PRKDC: variants seen among roughly 807,000 people sequenced by gnomAD.
PRKDC encodes the protein DNA-dependent protein kinase catalytic subunit.
Under a neutral mutation model 486.9 loss-of-function variants are expected in PRKDC, and 82 were observed. That is an observed-to-expected ratio of 0.17 (90% CI 0.14 to 0.20). PRKDC has a LOEUF of 0.20. Among genes scored for constraint, PRKDC ranks in the 10% least tolerant of loss-of-function variants. The pLI, the probability that PRKDC is intolerant of heterozygous loss-of-function variation, is 1.00. For missense variants in PRKDC, 4,504 were observed against 5,038.2 expected, an observed-to-expected ratio of 0.89 and a Z score of 3.21; for synonymous variants, 1,895 against 1,837.0, an observed-to-expected ratio of 1.03 and a Z score of -0.81.
At chr8:47,837,820 C>T (rs191387940) in intron 56 of PRKDC, among the ~76,000 whole-genome samples, 1 of 152,106 alleles carries the variant, frequency 6.6e-6, no homozygotes, top group East Asian at 1.9e-4. Context: ...CCATAAAATA[C>T]TCAAAACATA....
At chr8:47,942,499 G>A (rs1208620481) in intron 10 of PRKDC, among the ~76,000 whole-genome samples, 1 of 152,198 alleles carries the variant, frequency 6.6e-6, no homozygotes, top group East Asian at 1.9e-4. Context: ...GTGACTCTCA[G>A]GCTAACACAA....
chr8:47,949,447 A>G (rs1051335762), intron 7 of PRKDC, among the ~76,000 whole-genome samples: 1 of 152,210 alleles, frequency 6.6e-6, no homozygotes, highest in Non-Finnish European at 1.5e-5. Flanking sequence ...GCCTTGCAAC[A>G]CGTCTAGAAT....
intron 23 of PRKDC, among the ~76,000 whole-genome samples, chr8:47,914,558 G>T (rs915403221): frequency 2.6e-5 from 4 of 152,162 alleles, no homozygotes; most frequent in African/African-American, 4.8e-5. Context: ...CCAGCACTTT[G>T]GGAGGCCGAG....
intron 50 of PRKDC, among the ~76,000 whole-genome samples, chr8:47,854,786 T>C (rs1464046046): frequency 4.6e-5 from 7 of 152,252 alleles, no homozygotes; most frequent in Non-Finnish European, 2.9e-5. Context: ...ATACCTCCTG[T>C]TCACATCCAG....
chr8:47,941,065 G>A (rs1402730518), intron 10 of PRKDC, among the ~76,000 whole-genome samples: 2 of 151,722 alleles, frequency 1.3e-5, no homozygotes. Flanking sequence ...AGGAGGCAGA[G>A]GTTGCAGTAA....
intron 40 of PRKDC, among the ~76,000 whole-genome samples, chr8:47,871,350 A>T (rs753372187): frequency 7.9e-5 from 12 of 152,208 alleles, no homozygotes; most frequent in Non-Finnish European, 1.5e-4. Context: ...GGGGAAAGAA[A>T]CAAGTAACAT....
rs959711715 is a variant in PRKDC, at chr8:47,783,758, G to A, written c.11159C>T (p.Ala3720Val). ...KPLPEYHVRIAGFDERVTVMA... is the reference protein window; with the variant it reads ...KPLPEYHVRIVGFDERVTVMA... ...CACACCTACCCGCTCATCAAACCCG[G>A]CGATTCGCACGTGGTACTCTGGCAA... Residue 3720 changes from alanine to valine, a missense_variant, in exon 78 of 86, where the codon GCC becomes GTC. By Grantham distance (64) the Ala-to-Val change is moderately conservative. Transcript: ENST00000314191. The A allele has an allele frequency of 6.2e-7, 1 of 1,613,924 alleles. No individual in the cohort carries two copies. The highest frequency in any genetic ancestry group is 1.7e-5 in the Admixed American group (1 of 60,012).
chr8:47,822,272 G>C (rs1318034281), intron 64 of PRKDC, among the ~76,000 whole-genome samples: 6 of 149,500 alleles, frequency 4.0e-5, no homozygotes, highest in Admixed American at 2.0e-4. Context: ...CAGCCTGGGT[G>C]ACCCTGTTTT....
chr8:47,945,979 C>T (rs953227305), intron 7 of PRKDC, among the ~76,000 whole-genome samples: 1 of 152,060 alleles, frequency 6.6e-6, no homozygotes, highest in Non-Finnish European at 1.5e-5. Context: ...GCCTCAGCCT[C>T]CCAAAGTGCC....
intron 85 of PRKDC, among the ~76,000 whole-genome samples, chr8:47,774,837 A>G (rs2086575848): frequency 6.6e-6 from 1 of 152,048 alleles, no homozygotes. Flanking sequence ...TATGTTGCCC[A>G]GGCTAGACTT....
rs561460895 is a variant in PRKDC at position 47,842,951 on chromosome 8, G to T, written c.7281-2762C>A. ...AAGCTGAGGCAGGTAGATTGCTTCA[G>T]TTGGGGAGTTTGAGACCAGCCTGGG... is the stretch of plus-strand genomic sequence containing the variant. On this transcript the variant is annotated intron_variant, in intron 54 of 85. Coordinates refer to ENST00000314191, the MANE Select transcript of PRKDC (RefSeq NM_006904.7). Among the ~76,000 whole-genome samples, 3 of 152,316 alleles carry T rather than the reference G, an allele frequency of 2.0e-5. No individual in the cohort carries two copies. In the South Asian group the frequency reaches 6.2e-4, roughly 32 times the overall value.
intron 40 of PRKDC, among the ~76,000 whole-genome samples, chr8:47,871,870 C>T (rs1300458584): frequency 1.3e-5 from 2 of 152,102 alleles, no homozygotes; most frequent in South Asian, 2.1e-4. Flanking sequence ...GGATTACAGG[C>T]GTGAGCCACC....
chr8:47,876,976 C>T (rs1473659863), intron 40 of PRKDC, among the ~76,000 whole-genome samples: 6 of 152,114 alleles, frequency 3.9e-5, no homozygotes, highest in Non-Finnish European at 2.9e-5. Flanking sequence ...CTCCTAATGC[C>T]GTGAATAAGA....
Position 47,779,028 on chromosome 8 carries a change from A to G in PRKDC, c.11555T>C (p.Val3852Ala). The change falls in exon 81 of 86, where the codon GTT becomes GCT. Residue 3852 changes from valine to alanine, a missense_variant. By Grantham distance (64) the Val-to-Ala change is moderately conservative (BLOSUM62 0). Transcript: ENST00000314191. ...WLTKMSGKHDVGAYMLMYKGA... is the reference protein window; with the variant it reads ...WLTKMSGKHDAGAYMLMYKGA... ...CTTATACATTAGCATGTAAGCTCCA[A>G]CATCATGTTTTCCTGACATTTTTGT... The G allele has an allele frequency of 6.2e-7, 1 of 1,601,026 alleles. No homozygotes were observed. Among genetic ancestry groups the G allele is most frequent in the Non-Finnish European group, 8.5e-7 (1 of 1,173,276 alleles).
Position 47,888,511 on chromosome 8 carries a change from T to C in PRKDC, c.4413+7A>G, listed in dbSNP as rs773414458. On this transcript the variant is annotated splice_region_variant and intron_variant, in intron 34 of 85. Coordinates refer to ENST00000314191, the MANE Select transcript of PRKDC (RefSeq NM_006904.7). Reference sequence around the variant, plus strand: ...AAATAAATGTAAAAACAATAAGTTATAGTTACCTGAGACGGTAATATATTA... The same window carrying C: ...AAATAAATGTAAAAACAATAAGTTACAGTTACCTGAGACGGTAATATATTA... The C allele has an allele frequency of 2.7e-5, 41 of 1,520,060 alleles. No homozygotes were observed. The highest frequency in any genetic ancestry group is 1.7e-4 in the Middle Eastern group (1 of 5,886). The allele number at this position is 1,520,060 out of a possible 1,614,324, so 94.2% of individuals were successfully genotyped here.
rs200017529 is a variant in PRKDC at position 47,893,253 on chromosome 8, G to A, written c.3733C>T (p.Arg1245Trp). Residue 1245 changes from arginine to tryptophan, a missense_variant, in exon 31 of 86, where the codon CGG (arginine) becomes TGG (tryptophan). This residue lies in a region of PRKDC where 1,969 missense variants were observed against 2,068.9 expected (regional missense o/e 0.95). Coordinates refer to ENST00000314191, the MANE Select transcript of PRKDC (RefSeq NM_006904.7). ...GTGGCCTGCAGGCTGAATGGCCCCC[G>A]AAGGTACAAGAGGGTGGGCTGGGCC... ...ILAQPTLLYL[R>W]GPFSLQATLC... 1.5e-5 allele frequency: 24 copies of A among 1,612,220 alleles called. No individual in the cohort carries two copies. The highest frequency in any genetic ancestry group is 3.3e-5 in the South Asian group (3 of 90,792).
At chr8:47,776,128 A>G (rs932158865) in intron 85 of PRKDC, among the ~76,000 whole-genome samples, 1 of 152,018 alleles carries the variant, frequency 6.6e-6, no homozygotes, top group African/African-American at 2.4e-5. Context: ...ATTTACTCCT[A>G]TTTCTAAGTG....
intron 63 of PRKDC, among the ~76,000 whole-genome samples, chr8:47,825,504 CAAAAAAAAAAAAAAAAA>C (rs397891351): frequency 3.9e-4 from 4 of 10,250 alleles, no homozygotes; most frequent in African/African-American, 1.4e-3. Flanking sequence ...AAGACTGTCT[CAAAAAAAAAAAAAAAAA>C]AAAAAAAAAA....
intron 21 of PRKDC, among the ~76,000 whole-genome samples, chr8:47,921,071 G>A (rs942983520): frequency 1.3e-5 from 2 of 152,036 alleles, no homozygotes; most frequent in Non-Finnish European, 2.9e-5. Flanking sequence ...GGATAACATG[G>A]TGAAACCCCC....
Sources: gnomAD v4.1 joint callset for allele counts (sites outside exome capture counted in the v4.1 genomes callset) on GRCh38, gnomAD v4.1.1 for gene constraint, gnomAD v4.1.1 regional missense constraint, MANE v1.5 for transcripts, NCBI Gene and HGNC (gene_info 2026-07-23, HGNC 2026-07-21) for gene names.